CACNA2D3: variants seen among roughly 807,000 people sequenced by gnomAD.
CACNA2D3 encodes the protein calcium voltage-gated channel auxiliary subunit alpha2delta 3, also known as voltage-dependent calcium channel subunit alpha-2/delta-3.
Under a neutral mutation model 160.6 loss-of-function variants are expected in CACNA2D3, and 60 were observed. The observed-to-expected ratio is 0.37, with a 90% CI of 0.30 to 0.46. The LOEUF (loss-of-function observed/expected upper bound fraction) is 0.46. Ranked by LOEUF, CACNA2D3 falls within the 20% of genes least tolerant of loss-of-function variation. CACNA2D3 has a pLI of 1.00. For synonymous variants in CACNA2D3, 558 were observed against 492.9 expected, an observed-to-expected ratio of 1.13 and a Z score of -1.75; for missense variants, 1,205 against 1,365.0, an observed-to-expected ratio of 0.88 and a Z score of 1.85.
intron 9 of CACNA2D3, among the ~76,000 whole-genome samples, chr3:54,588,324 T>C (rs1702799559): frequency 6.6e-6 from 1 of 152,168 alleles, no homozygotes; most frequent in African/African-American, 2.4e-5. Flanking sequence ...CTTCTCCAAA[T>C]TGATAGAGAC....
At chr3:54,723,615 T>C (rs1489077421) in intron 11 of CACNA2D3, among the ~76,000 whole-genome samples, 1 of 152,212 alleles carries the variant, frequency 6.6e-6, no homozygotes, top group African/African-American at 2.4e-5. Flanking sequence ...CAGTCCCTCA[T>C]GGTTTCACTT....
chr3:54,581,470 C>G (rs773241277), intron 8 of CACNA2D3, among the ~76,000 whole-genome samples: 4 of 152,178 alleles, frequency 2.6e-5, no homozygotes, highest in Non-Finnish European at 4.4e-5. Context: ...CAGCTCCCAC[C>G]AGGACCATGG....
chr3:54,914,047 T>G (rs1186485273), intron 27 of CACNA2D3, among the ~76,000 whole-genome samples: 1 of 152,208 alleles, frequency 6.6e-6, no homozygotes, highest in Non-Finnish European at 1.5e-5. Flanking sequence ...CACCACTAAA[T>G]GAACAAAGAA....
chr3:54,135,353 T>C (rs143757261), intron 2 of CACNA2D3, among the ~76,000 whole-genome samples: 1 of 152,346 alleles, frequency 6.6e-6, no homozygotes, highest in East Asian at 1.9e-4. Flanking sequence ...GGCATCTTCA[T>C]GCAGGAGGAA....
At chr3:55,029,104 C>A (rs1377943065) in intron 35 of CACNA2D3, among the ~76,000 whole-genome samples, 1 of 152,168 alleles carries the variant, frequency 6.6e-6, no homozygotes, top group Non-Finnish European at 1.5e-5. Context: ...TTAGACTGTT[C>A]TCAGTGAGTG....
At chr3:54,482,954 A>T (rs1700957519) in intron 4 of CACNA2D3, among the ~76,000 whole-genome samples, 1 of 152,190 alleles carries the variant, frequency 6.6e-6, no homozygotes, top group Non-Finnish European at 1.5e-5. Flanking sequence ...ATTACAAGGG[A>T]TGCTGGGAAA....
chr3:54,238,399 A>G (rs73087989), intron 2 of CACNA2D3, among the ~76,000 whole-genome samples: 24,631 of 152,230 alleles, frequency 0.16, 2,389 homozygotes, highest in Middle Eastern at 0.29. Flanking sequence ...ATTGTGCAAA[A>G]AAACATCCAA....
chr3:54,950,733 C>T (rs1191325886), intron 27 of CACNA2D3, among the ~76,000 whole-genome samples: 1 of 152,140 alleles, frequency 6.6e-6, no homozygotes, highest in Non-Finnish European at 1.5e-5. Flanking sequence ...GATGGGAAAT[C>T]CATCAGTTGA....
At chr3:54,227,969 C>T (rs1701705263) in intron 2 of CACNA2D3, among the ~76,000 whole-genome samples, 1 of 152,172 alleles carries the variant, frequency 6.6e-6, no homozygotes, top group East Asian at 1.9e-4. Flanking sequence ...GCAAATGGAG[C>T]TCCTTTCTTG....
At chr3:54,894,620 G>A in intron 25 of CACNA2D3, 1 of 516,176 alleles carries the variant, frequency 1.9e-6, no homozygotes. Context: ...GACCTGCTGG[G>A]AGTGCGAACA....
At chr3:54,860,685 A>G (rs189546042) in intron 17 of CACNA2D3, among the ~76,000 whole-genome samples, 222 of 152,286 alleles carry the variant, frequency 1.5e-3, no homozygotes, top group African/African-American at 5.1e-3. Context: ...TCCTCAGGAT[A>G]CATCTCAAGT....
intron 5 of CACNA2D3, among the ~76,000 whole-genome samples, chr3:54,555,345 A>C (rs758095627): frequency 6.6e-6 from 1 of 152,200 alleles, no homozygotes; most frequent in Admixed American, 6.5e-5. Context: ...TGTAACTAAA[A>C]TACAGTCATA....
At chr3:54,892,877 A>G (rs1700100023) in intron 25 of CACNA2D3, among the ~76,000 whole-genome samples, 1 of 152,238 alleles carries the variant, frequency 6.6e-6, no homozygotes, top group Admixed American at 6.5e-5. Context: ...GACCACAGTA[A>G]GGATGCTGGG....
At chr3:54,311,392 G>A (rs1703740009) in intron 2 of CACNA2D3, among the ~76,000 whole-genome samples, 1 of 152,088 alleles carries the variant, frequency 6.6e-6, no homozygotes. Context: ...TACATTACTA[G>A]GCTCCTTCAT....
At chr3:54,571,795 C>A (rs1702503138) in intron 8 of CACNA2D3, among the ~76,000 whole-genome samples, 1 of 152,146 alleles carries the variant, frequency 6.6e-6, no homozygotes, top group Non-Finnish European at 1.5e-5. Flanking sequence ...TTTTGAATCC[C>A]ATTCACCACA....
chr3:55,031,837 C>G (rs1703695965), intron 35 of CACNA2D3, among the ~76,000 whole-genome samples: 1 of 152,088 alleles, frequency 6.6e-6, no homozygotes, highest in South Asian at 2.1e-4. Context: ...TGTAGATGAT[C>G]AAAGTCAGGA....
chr3:54,822,794 T>TCTTTCTTTCCTTC (rs1703655350), intron 14 of CACNA2D3, among the ~76,000 whole-genome samples: 1 of 63,266 alleles, frequency 1.6e-5, no homozygotes, highest in Non-Finnish European at 3.0e-5. Flanking sequence ...TTCTTTCCTT[T>TCTTTCTTTCCTTC]CTTTCTTTCT....
chr3:54,891,869 T>A (rs765876071), intron 25 of CACNA2D3, among the ~76,000 whole-genome samples: 4 of 152,216 alleles, frequency 2.6e-5, no homozygotes, highest in Non-Finnish European at 4.4e-5. Flanking sequence ...CAAGTCCTGT[T>A]TGTTTACATT....
chr3:54,322,805 A>G (rs4928041), intron 3 of CACNA2D3, among the ~76,000 whole-genome samples: 1,962 of 151,878 alleles, frequency 0.013, 28 homozygotes, highest in South Asian at 0.044. Context: ...TTTTTGTGTT[A>G]AATTAGTGAA....
Sources: allele counts gnomAD v4.1 joint callset (sites outside exome capture counted in the v4.1 genomes callset), GRCh38; gene constraint gnomAD v4.1.1; transcripts MANE v1.5; gene names NCBI Gene and HGNC (gene_info 2026-07-23, HGNC 2026-07-21).